ADAMTS12: variants seen among roughly 807,000 people sequenced by gnomAD.
ADAMTS12 encodes the protein ADAM metallopeptidase with thrombospondin type 1 motif 12.
In ADAMTS12, 118 loss-of-function variants were observed where a neutral mutation model predicts 167.8. The ratio of observed to expected loss-of-function variants is 0.70; its 90% CI spans 0.61 to 0.82. ADAMTS12 has a LOEUF of 0.82. Ranked by LOEUF, ADAMTS12 falls within the 40% of genes least tolerant of loss-of-function variation. The probability of loss-of-function intolerance (pLI) is 0.00; values close to 1 mark genes in which losing one functional copy is unlikely to be tolerated. For synonymous variants in ADAMTS12, 704 were observed against 716.9 expected (o/e 0.98, Z 0.29); for missense variants, 1,916 against 1,998.8 (o/e 0.96, Z 0.79).
intron 1 of ADAMTS12, among the ~76,000 whole-genome samples, chr5:33,888,375 A>G (rs1240930473): frequency 6.6e-6 from 1 of 152,218 alleles, no homozygotes; most frequent in Non-Finnish European, 1.5e-5. Flanking sequence ...GGGCTCCTCA[A>G]AATTGTAAAG....
chr5:33,830,932 C>T (rs1396112642), intron 2 of ADAMTS12, among the ~76,000 whole-genome samples: 6 of 152,082 alleles, frequency 3.9e-5, no homozygotes, highest in African/African-American at 1.4e-4. Context: ...TTTTCAGTTT[C>T]TGCAAAAGAA....
Position 33,576,008 on chromosome 5 carries a change from A to G in ADAMTS12, c.3972+46T>C, listed in dbSNP as rs145641172. 4.4e-5 allele frequency: 68 copies of G among 1,554,830 alleles called. No homozygotes were observed. The East Asian group carries it at 1.5e-3, about 35-fold the overall frequency. On this transcript the variant is annotated intron_variant, in intron 19 of 23. Coordinates refer to ENST00000504830, the MANE Select transcript of ADAMTS12 (RefSeq NM_030955.4). ...ATTTTCACATGAATTTAACACTCCT[A>G]GCTTTTTTCCATGTAAAACCAGGCC...
chr5:33,578,121 A>T (rs1746851974), intron 18 of ADAMTS12, among the ~76,000 whole-genome samples: 1 of 152,192 alleles, frequency 6.6e-6, no homozygotes, highest in Non-Finnish European at 1.5e-5. Flanking sequence ...TCAACCACCA[A>T]ATAGTTGGCA....
At chr5:33,623,107 C>T (rs1367296487) in intron 14 of ADAMTS12, among the ~76,000 whole-genome samples, 1 of 152,164 alleles carries the variant, frequency 6.6e-6, no homozygotes, top group African/African-American at 2.4e-5. Flanking sequence ...CAGGATCCTA[C>T]TCAGTAACTT....
At chr5:33,652,772 T>C (rs755154673) in intron 7 of ADAMTS12, among the ~76,000 whole-genome samples, 13 of 152,178 alleles carry the variant, frequency 8.5e-5, no homozygotes, top group Non-Finnish European at 1.8e-4. Context: ...CTTCGATCAA[T>C]CTTGAGTTAG....
intron 2 of ADAMTS12, among the ~76,000 whole-genome samples, chr5:33,802,577 T>C (rs2112474584): frequency 6.6e-6 from 1 of 152,278 alleles, no homozygotes; most frequent in Non-Finnish European, 1.5e-5. Context: ...ATGACTCCCG[T>C]TAAATGCCCT....
At chr5:33,758,935 C>G (rs532725001) in intron 2 of ADAMTS12, among the ~76,000 whole-genome samples, 1 of 152,358 alleles carries the variant, frequency 6.6e-6, no homozygotes, top group East Asian at 1.9e-4. Context: ...GAGGAAAATT[C>G]TTCTCTAGGG....
At chr5:33,839,781 C>G (rs927787274) in intron 2 of ADAMTS12, among the ~76,000 whole-genome samples, 1 of 152,188 alleles carries the variant, frequency 6.6e-6, no homozygotes, top group Non-Finnish European at 1.5e-5. Context: ...GCAAGCAATA[C>G]AAACATTAGC....
intron 2 of ADAMTS12, among the ~76,000 whole-genome samples, chr5:33,820,580 T>A (rs1464950870): frequency 6.6e-6 from 1 of 152,172 alleles, no homozygotes; most frequent in Non-Finnish European, 1.5e-5. Context: ...GAGAAGAAAT[T>A]TCTGTTTGAT....
Position 33,649,636 on chromosome 5 carries a change from T to TGTAC in ADAMTS12, c.1248_1251dup (p.Ile418ValfsTer37). The TGTAC allele has an allele frequency of 1.2e-6, 2 of 1,614,044 alleles. No homozygotes were observed. Among genetic ancestry groups the TGTAC allele is most frequent in the Non-Finnish European group, 1.7e-6 (2 of 1,179,926 alleles). The stretch of plus-strand genomic sequence containing the variant: ...TCGTACTGGAGCTGGCGGGACATGA[T>TGTAC]GTACGGATGTCTGCCCACAGGCTCA... On this transcript the variant is annotated frameshift_variant, in exon 8 of 24. Transcript: ENST00000504830. LOFTEE classifies it high-confidence loss of function.
At chr5:33,535,965 T>C (rs1744383791) in intron 22 of ADAMTS12, among the ~76,000 whole-genome samples, 1 of 152,110 alleles carries the variant, frequency 6.6e-6, no homozygotes, top group Non-Finnish European at 1.5e-5. Context: ...ATGATATGGT[T>C]CCACTGCAAT....
chr5:33,602,458 C>T (rs890464833), intron 16 of ADAMTS12, among the ~76,000 whole-genome samples: 3 of 152,178 alleles, frequency 2.0e-5, no homozygotes, highest in South Asian at 2.1e-4. Context: ...CATCTGAATT[C>T]GTCCTCCTAT....
At chr5:33,612,249 C>G (rs1738764680) in intron 16 of ADAMTS12, among the ~76,000 whole-genome samples, 1 of 152,320 alleles carries the variant, frequency 6.6e-6, no homozygotes, top group East Asian at 1.9e-4. Flanking sequence ...GCTTAGTAAT[C>G]AGAGTGACAT....
intron 2 of ADAMTS12, among the ~76,000 whole-genome samples, chr5:33,770,034 T>C (rs1310324544): frequency 1.3e-5 from 2 of 152,172 alleles, no homozygotes; most frequent in Admixed American, 6.5e-5. Flanking sequence ...TTGAAAAATA[T>C]CATGTCTGGG....
At chr5:33,863,386 C>T (rs1749694718) in intron 2 of ADAMTS12, among the ~76,000 whole-genome samples, 1 of 152,094 alleles carries the variant, frequency 6.6e-6, no homozygotes, top group Non-Finnish European at 1.5e-5. Flanking sequence ...ACAAGCATTC[C>T]TATACATCCA....
At chr5:33,809,344 T>G (rs1041613126) in intron 2 of ADAMTS12, among the ~76,000 whole-genome samples, 1 of 152,162 alleles carries the variant, frequency 6.6e-6, no homozygotes, top group Non-Finnish European at 1.5e-5. Flanking sequence ...TACTTTCCAC[T>G]CCTCCCATCC....
chr5:33,780,129 T>C (rs1464729913), intron 2 of ADAMTS12, among the ~76,000 whole-genome samples: 2 of 152,100 alleles, frequency 1.3e-5, no homozygotes, highest in Non-Finnish European at 2.9e-5. Flanking sequence ...TCAATAAAGC[T>C]GTAGGAGGGG....
chr5:33,595,442 G>A (rs182507988), intron 17 of ADAMTS12, among the ~76,000 whole-genome samples: 21 of 152,188 alleles, frequency 1.4e-4, no homozygotes, highest in South Asian at 6.2e-4. Flanking sequence ...TGCAATTCAC[G>A]GACAGCCCCC....
At chr5:33,638,291 C>A (rs1404855672) in intron 11 of ADAMTS12, among the ~76,000 whole-genome samples, 3 of 152,178 alleles carry the variant, frequency 2.0e-5, no homozygotes, top group African/African-American at 7.2e-5. Flanking sequence ...AATTATCAGG[C>A]TAAATTTTCA....
Sources: gnomAD v4.1 joint callset for allele counts (sites outside exome capture counted in the v4.1 genomes callset) on GRCh38, gnomAD v4.1.1 for gene constraint, MANE v1.5 for transcripts, NCBI Gene and HGNC (gene_info 2026-07-23, HGNC 2026-07-21) for gene names.